DCAF6: variants seen among roughly 807,000 people sequenced by gnomAD.
DCAF6 encodes DDB1- and CUL4-associated factor 6.
DCAF6 carries 54 observed loss-of-function variants against 125.1 expected under a neutral mutation model. That is an observed-to-expected ratio of 0.43 (90% CI 0.35 to 0.54). The LOEUF is 0.54. DCAF6 is among the 20% of genes least tolerant of loss of function. The pLI is 0.01. For synonymous variants in DCAF6, 371 were observed against 390.4 expected (o/e 0.95, Z 0.58); for missense variants, 934 against 1,161.7 (o/e 0.80, Z 2.85).
the DCAF6 span, among the ~76,000 whole-genome samples, chr1:167,915,249 C>CA: frequency 2.6e-5 from 4 of 152,056 alleles, no homozygotes; most frequent in African/African-American, 4.8e-5. Flanking sequence ...TGCCATACCA[C>CA]AAAAAAAGAC....
chr1:168,000,507 C>A (rs1191118161), intron 7 of DCAF6, among the ~76,000 whole-genome samples: 2 of 152,034 alleles, frequency 1.3e-5, no homozygotes, highest in Non-Finnish European at 2.9e-5. Context: ...GGGTAGTTCT[C>A]CTGTATACCC....
chr1:168,000,525 T>C (rs1682459011), intron 7 of DCAF6, among the ~76,000 whole-genome samples: 2 of 152,186 alleles, frequency 1.3e-5, no homozygotes, highest in African/African-American at 4.8e-5. Flanking sequence ...CCCAAGAGAA[T>C]TGAAACATGT....
chr1:167,953,004 T>C (rs935636053), intron 2 of DCAF6, among the ~76,000 whole-genome samples: 41 of 152,358 alleles, frequency 2.7e-4, no homozygotes, highest in African/African-American at 7.9e-4. Flanking sequence ...AAGATCCGCC[T>C]TGCTGAAGAT....
the DCAF6 span, among the ~76,000 whole-genome samples, chr1:167,925,470 T>TATATATAC: frequency 1.1e-4 from 12 of 107,772 alleles, no homozygotes; most frequent in East Asian, 3.0e-3. Flanking sequence ...TATATATATA[T>TATATATAC]ATATACATAT....
chr1:168,006,984 T>G (rs1019084490), intron 10 of DCAF6, among the ~76,000 whole-genome samples: 5 of 152,234 alleles, frequency 3.3e-5, no homozygotes, highest in Non-Finnish European at 1.5e-5. Context: ...CTCAACACTG[T>G]GCATCAGAGC....
At position 167,978,373 on chromosome 1, in the gene DCAF6, A is replaced by G. The variant is rs368678222; in HGVS notation, c.438+3358A>G. ...GTCCTGTTGCTTCTGATCTTTGCCA[A>G]CAGTTGGTATTTTCAGCTCTACTTT... On this transcript the variant is annotated intron_variant, in intron 4 of 21. Coordinates refer to ENST00000367840, the MANE Select transcript of DCAF6 (RefSeq NM_001198956.2). 7.8e-4 allele frequency among the ~76,000 whole-genome samples: 119 copies of G among 152,296 alleles called. 2 individuals carry two copies. In the South Asian group the frequency reaches 0.023, roughly 29 times the overall value.
At chr1:168,030,013 G>A (rs1006290662) in intron 12 of DCAF6, among the ~76,000 whole-genome samples, 3 of 151,918 alleles carry the variant, frequency 2.0e-5, no homozygotes, top group African/African-American at 7.3e-5. Flanking sequence ...CATGTCTAAG[G>A]TTGCACACAG....
At chr1:168,013,697 T>C (rs1027935590) in intron 10 of DCAF6, among the ~76,000 whole-genome samples, 4 of 152,136 alleles carry the variant, frequency 2.6e-5, no homozygotes, top group African/African-American at 9.7e-5. Flanking sequence ...TCCATCAGAA[T>C]ACAGACGTGT....
Position 167,936,939 on chromosome 1 carries a change from C to A in DCAF6, c.28C>A (p.Leu10Met), listed in dbSNP as rs904940635. The A allele has an allele frequency of 6.2e-7, 1 of 1,609,660 alleles. No homozygotes were observed. Among genetic ancestry groups the A allele is most frequent in the African/African-American group, 1.3e-5 (1 of 74,964 alleles). The change falls in exon 1 of 22, where the codon CTG becomes ATG. Residue 10 changes from leucine (L) to methionine (M), a missense_variant. Physicochemically the swap from Leu to Met is conservative, Grantham distance 15. This residue lies in a region of DCAF6 where 309 missense variants were observed against 381.2 expected (regional missense o/e 0.81). Coordinates refer to ENST00000367840, the MANE Select transcript of DCAF6 (RefSeq NM_001198956.2). MSRGGSYPH[L>M]LWDVRKRSLG... ...GTCTCGGGGTGGCTCCTACCCACAC[C>A]TGTTGTGGGACGTGAGGAAAAGGTC...
At chr1:167,880,913 T>C in the DCAF6 span, among the ~76,000 whole-genome samples, 3 of 152,102 alleles carry the variant, frequency 2.0e-5, no homozygotes, top group African/African-American at 7.2e-5. Context: ...AAGTGCTCAG[T>C]TTAAGTCTAT....
chr1:167,927,067 T>C, the DCAF6 span, among the ~76,000 whole-genome samples: 5 of 152,226 alleles, frequency 3.3e-5, no homozygotes, highest in Non-Finnish European at 5.9e-5. Context: ...ATAATAGGTA[T>C]GTGCCAACAG....
chr1:167,883,060 C>T, the DCAF6 span, among the ~76,000 whole-genome samples: 9 of 152,292 alleles, frequency 5.9e-5, no homozygotes, highest in South Asian at 6.2e-4. Context: ...TTAGTTGAGA[C>T]GGAGTCTCAC....
At chr1:167,973,051 G>T (rs1279984462) in intron 3 of DCAF6, among the ~76,000 whole-genome samples, 1 of 152,146 alleles carries the variant, frequency 6.6e-6, no homozygotes, top group Non-Finnish European at 1.5e-5. Context: ...AACAAACGAA[G>T]TAACTAATGG....
intron 2 of DCAF6, among the ~76,000 whole-genome samples, chr1:167,961,783 G>C (rs1675644691): frequency 6.6e-6 from 1 of 152,166 alleles, no homozygotes; most frequent in Admixed American, 6.5e-5. Context: ...AAATTGAAAT[G>C]CTCCAAAATT....
At chr1:167,998,452 C>T (rs540581097) in intron 7 of DCAF6, among the ~76,000 whole-genome samples, 7 of 152,144 alleles carry the variant, frequency 4.6e-5, no homozygotes, top group South Asian at 2.1e-4. Flanking sequence ...GTTTCTGCAT[C>T]GATAGACTCT....
chr1:167,956,144 C>G (rs935114676), intron 2 of DCAF6, among the ~76,000 whole-genome samples: 6 of 151,928 alleles, frequency 3.9e-5, no homozygotes, highest in Non-Finnish European at 5.9e-5. Flanking sequence ...AGGATGTTCT[C>G]CTCTATTACT....
rs754179165 is a variant in DCAF6, at chr1:168,043,099, C to T, written c.1802C>T (p.Pro601Leu). 5.6e-6 allele frequency: 9 copies of T among 1,612,692 alleles called. No individual in the cohort carries two copies. The Admixed American group carries it at 1.5e-4, about 27-fold the overall frequency. ...GAGGGTCAGGAGGAATCTTTCGTCC[C>T]ACAGAGCTCAGTGCAACCACCAGAA... The part of the protein sequence containing the change: ...KSEGQEESFV[P>L]QSSVQPPEGD... Residue 601 changes from proline (P) to leucine (L), a missense_variant, in exon 14 of 22, where the codon CCA (proline) becomes CTA (leucine). Pro to Leu is a moderately conservative substitution (Grantham distance 98). Transcript: ENST00000367840.
intron 3 of DCAF6, among the ~76,000 whole-genome samples, chr1:167,970,570 C>A (rs1677155832): frequency 6.6e-6 from 1 of 151,946 alleles, no homozygotes; most frequent in Non-Finnish European, 1.5e-5. Context: ...ATCACTTGAG[C>A]CCAGGCGTTC....
At chr1:167,985,860 G>GC (rs1679929948) in intron 4 of DCAF6, among the ~76,000 whole-genome samples, 1 of 152,096 alleles carries the variant, frequency 6.6e-6, no homozygotes, top group African/African-American at 2.4e-5. Context: ...ACAAGAAACA[G>GC]CCCCCCATAA....
Sources: allele counts gnomAD v4.1 joint callset (sites outside exome capture counted in the v4.1 genomes callset), GRCh38; gene constraint gnomAD v4.1.1; regional missense constraint gnomAD v4.1.1; transcripts MANE v1.5; gene names NCBI Gene and HGNC (gene_info 2026-07-23, HGNC 2026-07-21).